Variants in SEZ6L2 observed in about 807,000 individuals in gnomAD.
SEZ6L2 encodes the protein seizure related 6 homolog like 2.
In SEZ6L2, 44 loss-of-function variants were observed where a neutral mutation model predicts 97.0. The observed-to-expected ratio is 0.45, with a 90% CI of 0.36 to 0.58. The LOEUF (loss-of-function observed/expected upper bound fraction) is 0.58, where lower values mean the gene tolerates loss of function less well. SEZ6L2 is among the 20% of genes least tolerant of loss of function. The pLI is 0.00. For missense variants in SEZ6L2, 1,086 were observed against 1,233.3 expected (o/e 0.88, Z 1.79); for synonymous variants, 543 against 546.1 (o/e 0.99, Z 0.08).
In SEZ6L2 at chr16:29,899,113, T is replaced by A; in HGVS notation, c.-94A>T. On this transcript the variant is annotated 5_prime_UTR_variant, in exon 1 of 18. Transcript: ENST00000617533. ...CCGTTTATCTTTCCCTTTAATTGTT[T>A]TTTTTTTTTTTTTTTTTTTCCTCGT... is the stretch of plus-strand genomic sequence containing the variant. The A allele has an allele frequency of 3.8e-6, 1 of 261,368 alleles. No individual in the cohort carries two copies. The highest frequency in any genetic ancestry group is 6.0e-6 in the Non-Finnish European group (1 of 166,924). 16.2% of individuals were successfully genotyped at this position (261,368 alleles called of 1,614,324 possible). A position where few individuals can be genotyped will look rare whatever the true frequency, so the allele number is the denominator to read the frequency against.
chr16:29,896,773 C>T (rs1382408306), intron 3 of SEZ6L2, 49 bp downstream of exon 3: 12 of 1,548,652 alleles, frequency 7.7e-6, no homozygotes, highest in Middle Eastern at 1.7e-4. Context: ...CCATCCCCAG[C>T]GTGTACCTCT....
rs370075534 is a variant in SEZ6L2, at chr16:29,873,761, G to A, written c.2105-32C>T. 112 of 1,530,088 alleles carry A rather than the reference G, an allele frequency of 7.3e-5. No homozygotes were observed. The South Asian group carries it at 1.2e-3, about 17-fold the overall frequency. The allele number at this position is 1,530,088 out of a possible 1,614,324, so 94.8% of individuals were successfully genotyped here. On this transcript the variant is annotated intron_variant, in intron 12 of 17. Transcript: ENST00000617533. This position sits in a 1 kb window ranked among gnomAD's most constrained non-coding sequence, Gnocchi z 4.3. ...GCAGAAGAACAAGGTCAGGGGGAGC[G>A]AGGGCCTTCAAAGATCAGCCTGGGC...
At chr16:29,879,220 TTTTC>T (rs889104452) in intron 9 of SEZ6L2, among the ~76,000 whole-genome samples, 18 of 146,722 alleles carry the variant, frequency 1.2e-4, no homozygotes, top group East Asian at 2.1e-4. Context: ...CCTGTTTCTT[TTTTC>T]TTTCTTTCTT....
chr16:29,895,390 G>A lies in SEZ6L2; in HGVS notation c.722C>T (p.Ala241Val), dbSNP rs1452377520. The stretch of plus-strand genomic sequence containing the variant: ...GGATGAGTTGGCCAGGAGTCGGGGG[G>A]CCAGGCCTGGGGATCCCCCACCAGC... The part of the protein sequence containing the change: ...VLAGGGSPGL[A>V]PRLLANSSML... Residue 241 changes from alanine (A) to valine (V), a missense_variant, in exon 5 of 18, where the codon GCC (alanine) becomes GTC (valine). This residue lies in a region of SEZ6L2 where 776 missense variants were observed against 794.7 expected (regional missense o/e 0.98). Coordinates refer to ENST00000617533, the MANE Select transcript of SEZ6L2 (RefSeq NM_001243332.2). The A allele has an allele frequency of 4.3e-6, 7 of 1,613,970 alleles. No homozygotes were observed. In the African/African-American group the frequency reaches 5.3e-5, roughly 12 times the overall value.
intron 12 of SEZ6L2, among the ~76,000 whole-genome samples, chr16:29,875,395 G>C (rs2067881046): frequency 6.6e-6 from 1 of 152,168 alleles, no homozygotes; most frequent in African/African-American, 2.4e-5. Flanking sequence ...GCCTTGGGCA[G>C]GTTCCCTCCT....
At chr16:29,896,477 C>T (rs2068392072) in intron 3 of SEZ6L2, among the ~76,000 whole-genome samples, 1 of 152,092 alleles carries the variant, frequency 6.6e-6, no homozygotes, top group Admixed American at 6.5e-5. Context: ...CAGGGTTTCT[C>T]CATGTTGCTC....
intron 8 of SEZ6L2, among the ~76,000 whole-genome samples, chr16:29,883,997 C>T (rs931060709): frequency 1.3e-5 from 2 of 152,068 alleles, no homozygotes; most frequent in Admixed American, 6.6e-5. Flanking sequence ...GCCTCTTCCT[C>T]CATGATCACT....
intron 12 of SEZ6L2, among the ~76,000 whole-genome samples, chr16:29,875,903 C>G (rs1192596713): frequency 6.6e-6 from 1 of 151,906 alleles, no homozygotes; most frequent in Non-Finnish European, 1.5e-5. Flanking sequence ...CTCAGGTGAT[C>G]CACCGCACCT....
chr16:29,897,468 T>C (rs1375334469), intron 2 of SEZ6L2, among the ~76,000 whole-genome samples: 1 of 152,010 alleles, frequency 6.6e-6, no homozygotes, highest in Non-Finnish European at 1.5e-5. Context: ...AACTCTTTAT[T>C]TCCCCATTTC....
At position 29,876,750 on chromosome 16, in the gene SEZ6L2, G is replaced by T. The variant is rs1487282181; in HGVS notation, c.2104+6C>A. 2.6e-6 allele frequency: 4 copies of T among 1,536,356 alleles called. No individual in the cohort carries two copies. In the African/African-American group the frequency reaches 4.1e-5, roughly 16 times the overall value. On this transcript the variant is annotated splice_donor_region_variant and intron_variant, in intron 12 of 17. Transcript: ENST00000617533. This position sits in a 1 kb window ranked among gnomAD's most constrained non-coding sequence, Gnocchi z 6.5. ...GGCCGAGGGGACGCGGGCGGGGCCG[G>T]CTCACTCTTTTGGCAGGCGGGCGGC...
At chr16:29,887,893 C>T in intron 6 of SEZ6L2, 76 bp from the exon 7 acceptor site, 1 of 1,513,334 alleles carries the variant, frequency 6.6e-7, no homozygotes, top group Non-Finnish European at 9.0e-7. Context: ...GGCCCGTTTT[C>T]AGAACTGTTG....
At chr16:29,878,171 C>T in intron 10 of SEZ6L2, 116 bp downstream of exon 10, 3 of 1,296,462 alleles carry the variant, frequency 2.3e-6, no homozygotes, top group Non-Finnish European at 2.1e-6. Flanking sequence ...GCCTATCCAC[C>T]GAATTCTGGA....
intron 12 of SEZ6L2, among the ~76,000 whole-genome samples, chr16:29,875,243 G>T (rs1407513440): frequency 6.6e-6 from 1 of 152,162 alleles, no homozygotes; most frequent in Non-Finnish European, 1.5e-5. Context: ...GGAGCCCAGG[G>T]CTCAGGGCGG....
chr16:29,873,193 A>G lies in SEZ6L2; in HGVS notation c.2488+47T>C. On this transcript the variant is annotated intron_variant, in intron 14 of 17. Coordinates refer to ENST00000617533, the MANE Select transcript of SEZ6L2 (RefSeq NM_001243332.2). This position sits in a 1 kb window ranked among gnomAD's most constrained non-coding sequence, Gnocchi z 4.3. ...GCTACCTGACTCTCCCAGCCCTGTC[A>G]CTTCCCGGACACTGGTGTGCCCCTC... The G allele has an allele frequency of 1.2e-6, 2 of 1,601,180 alleles. No individual in the cohort carries two copies. The highest frequency in any genetic ancestry group is 1.7e-6 in the Non-Finnish European group (2 of 1,172,216).
Position 29,892,376 on chromosome 16 carries a change from T to TG in SEZ6L2, c.853+2882dup, listed in dbSNP as rs1163460170. On this transcript the variant is annotated intron_variant, in intron 5 of 17. Transcript: ENST00000617533. ...CTAAGGAGTCCTATTTTCAGTGCCC[T>TG]GGGGAAGTGGCTGCTTAAAGGAGCC... 2.0e-5 allele frequency among the ~76,000 whole-genome samples: 3 copies of TG among 152,196 alleles called. No individual in the cohort carries two copies. In the East Asian group the frequency reaches 5.8e-4, roughly 29 times the overall value.
rs1489228020 is a variant in SEZ6L2 at position 29,888,821 on chromosome 16, C to T, written c.854-96G>A. 6 of 1,121,802 alleles carry T rather than the reference C, an allele frequency of 5.3e-6. No individual in the cohort carries two copies. In the African/African-American group the frequency reaches 6.2e-5, roughly 12 times the overall value. 69.5% of individuals were successfully genotyped at this position (1,121,802 alleles called of 1,614,324 possible). Reference sequence around the variant, plus strand: ...CTTCCCCCCTCTCCTTTCAGGCCAACCTTCCAGGGGCACACACTGGCTCCA... The same window carrying T: ...CTTCCCCCCTCTCCTTTCAGGCCAATCTTCCAGGGGCACACACTGGCTCCA... On this transcript the variant is annotated intron_variant, in intron 5 of 17. Coordinates refer to ENST00000617533, the MANE Select transcript of SEZ6L2 (RefSeq NM_001243332.2).
In SEZ6L2 at chr16:29,873,396, C is replaced by T. The variant is rs146703936; in HGVS notation, c.2332G>A (p.Glu778Lys). Reference protein sequence around the residue: ...YEPCLNPGVPENGYQTLYKHH... With the variant: ...YEPCLNPGVPKNGYQTLYKHH... ...TTGTACAGCGTCTGGTAGCCATTCT[C>T]GGGAACCCCCGGGTTCAGGCACGGC... The change falls in exon 14 of 18, where the codon GAG becomes AAG. Residue 778 changes from glutamate (E) to lysine (K), a missense_variant. Physicochemically the swap from Glu to Lys is moderately conservative, Grantham distance 56 (BLOSUM62 1). This residue lies in a region of SEZ6L2 where 310 missense variants were observed against 438.6 expected (regional missense o/e 0.71). Coordinates refer to ENST00000617533, the MANE Select transcript of SEZ6L2 (RefSeq NM_001243332.2). The surrounding 1 kb of genome is among the most constrained non-coding windows in gnomAD (Gnocchi z 4.3). The T allele has an allele frequency of 3.0e-4, 483 of 1,614,266 alleles. 3 individuals are homozygous for T. In the African/African-American group the frequency reaches 5.5e-3, roughly 18 times the overall value.
intron 5 of SEZ6L2, among the ~76,000 whole-genome samples, chr16:29,889,890 T>C (rs1430190405): frequency 2.6e-5 from 4 of 151,698 alleles, no homozygotes; most frequent in Admixed American, 6.6e-5. Flanking sequence ...TTGAGGAAAT[T>C]TGACTATTTT....
rs1483917338 is a variant in SEZ6L2 at position 29,872,169 on chromosome 16, G to T, written c.2742+18C>A. On this transcript the variant is annotated intron_variant, in intron 17 of 17. Coordinates refer to ENST00000617533, the MANE Select transcript of SEZ6L2 (RefSeq NM_001243332.2). Reference sequence around the variant, plus strand: ...GAGAGCCAAGTGGTGGCTCTTCAGGGGCAGGCAAGGTGCTTACCCCAGCTT... The same window carrying T: ...GAGAGCCAAGTGGTGGCTCTTCAGGTGCAGGCAAGGTGCTTACCCCAGCTT... 1.3e-6 allele frequency: 2 copies of T among 1,567,100 alleles called. No homozygotes were observed. Among genetic ancestry groups the T allele is most frequent in the Non-Finnish European group, 8.7e-7 (1 of 1,155,422 alleles).
Sources: gnomAD v4.1 joint callset for allele counts (sites outside exome capture counted in the v4.1 genomes callset) on GRCh38, gnomAD v4.1.1 for gene constraint, gnomAD v4.1.1 regional missense constraint, Gnocchi (gnomAD v3.1) non-coding constraint, MANE v1.5 for transcripts, NCBI Gene and HGNC (gene_info 2026-07-23, HGNC 2026-07-21) for gene names.